DNER: variants seen among roughly 807,000 people sequenced by gnomAD.
DNER encodes the protein delta and Notch-like epidermal growth factor-related receptor.
A neutral mutation model predicts 78.2 loss-of-function variants in DNER; 33 were observed. The ratio of observed to expected loss-of-function variants is 0.42; its 90% CI spans 0.32 to 0.56. The LOEUF is 0.56. DNER is among the 20% of genes least tolerant of loss of function. The pLI, the probability that DNER is intolerant of heterozygous loss-of-function variation, is 0.11. For synonymous variants in DNER, 417 were observed against 384.8 expected (o/e 1.08, Z -0.98); for missense variants, 918 against 975.3 (o/e 0.94, Z 0.78).
chr2:229,417,439 C>A (rs563216235), intron 9 of DNER, among the ~76,000 whole-genome samples: 1 of 152,262 alleles, frequency 6.6e-6, no homozygotes, highest in East Asian at 1.9e-4. Flanking sequence ...GGAACAGGGC[C>A]GTCTGAGGAT....
At chr2:229,530,595 A>T (rs1392794992) in intron 5 of DNER, among the ~76,000 whole-genome samples, 1 of 152,246 alleles carries the variant, frequency 6.6e-6, no homozygotes, top group African/African-American at 2.4e-5. Flanking sequence ...GCCTGTAGCA[A>T]CCTTGCTGGG....
At chr2:229,429,093 T>C (rs1435898372) in intron 8 of DNER, among the ~76,000 whole-genome samples, 1 of 152,158 alleles carries the variant, frequency 6.6e-6, no homozygotes, top group Non-Finnish European at 1.5e-5. Context: ...CCTTGAGCAC[T>C]GCCCTTGGAG....
At chr2:229,361,209 A>T (rs1422667212) in intron 12 of DNER, among the ~76,000 whole-genome samples, 1 of 141,002 alleles carries the variant, frequency 7.1e-6, no homozygotes, top group African/African-American at 2.5e-5. Flanking sequence ...CATTTAAAAG[A>T]CTAACAGTGT....
chr2:229,477,159 G>A lies in DNER; in HGVS notation c.1242C>T (p.Phe414=), dbSNP rs756003503. 1 of 1,613,696 alleles carries A rather than the reference G, an allele frequency of 6.2e-7. No individual in the cohort carries two copies. Among genetic ancestry groups the A allele is most frequent in the East Asian group, 2.2e-5 (1 of 44,862 alleles). Residue 414 remains phenylalanine, a synonymous_variant, in exon 7 of 13, where the codon TTC becomes TTT. Transcript: ENST00000341772. ...AATTACCTTCTGGACACTGGCAGGTGAATCCACTGAGACTGGAAATGCATG... is the reference window on the plus strand; with the variant it reads ...AATTACCTTCTGGACACTGGCAGGTAAATCCACTGAGACTGGAAATGCATG... ...GATCISSLSG[F]TCQCPEGYFG...
intron 7 of DNER, among the ~76,000 whole-genome samples, chr2:229,468,660 A>G (rs1298296928): frequency 6.6e-6 from 1 of 152,208 alleles, no homozygotes; most frequent in Non-Finnish European, 1.5e-5. Flanking sequence ...GAATTGAGTA[A>G]TAATAAAACT....
intron 4 of DNER, among the ~76,000 whole-genome samples, chr2:229,573,352 G>A (rs145149573): frequency 3.3e-5 from 5 of 152,116 alleles, no homozygotes; most frequent in Non-Finnish European, 7.4e-5. Flanking sequence ...TTTTCAAAAT[G>A]CAATCCCAAT....
chr2:229,656,159 T>C (rs960098031), intron 1 of DNER, among the ~76,000 whole-genome samples: 2 of 152,196 alleles, frequency 1.3e-5, no homozygotes, highest in African/African-American at 4.8e-5. Context: ...GAGCCATTAA[T>C]GAAGTAATTG....
At chr2:229,658,145 T>C (rs1261420910) in intron 1 of DNER, among the ~76,000 whole-genome samples, 3 of 152,328 alleles carry the variant, frequency 2.0e-5, no homozygotes, top group South Asian at 4.1e-4. Flanking sequence ...ATTACCTTAA[T>C]TGCCTGGTAA....
chr2:229,485,721 G>A (rs569633535), intron 6 of DNER, among the ~76,000 whole-genome samples: 185 of 152,180 alleles, frequency 1.2e-3, no homozygotes, highest in Middle Eastern at 3.4e-3. Context: ...GAAGAAGGGC[G>A]ATCAATCAGT....
intron 11 of DNER, among the ~76,000 whole-genome samples, chr2:229,369,210 A>G (rs1290925970): frequency 6.6e-6 from 1 of 151,970 alleles, no homozygotes; most frequent in African/African-American, 2.4e-5. Flanking sequence ...TAAACTTTCT[A>G]AAAAGTTAAA....
intron 9 of DNER, among the ~76,000 whole-genome samples, chr2:229,413,292 T>A (rs1693563593): frequency 6.7e-6 from 1 of 148,752 alleles, no homozygotes; most frequent in Non-Finnish European, 1.5e-5. Context: ...AAGTTCCCCC[T>A]CATTGCTTTT....
At position 229,546,882 on chromosome 2, in the gene DNER, T is replaced by C. The variant is rs1432281004; in HGVS notation, c.993+65A>G. ...AGGGGTAAGAACACACACATACTTA[T>C]GTATTTATTCAGGTAAATATTCATG... On this transcript the variant is annotated intron_variant, in intron 5 of 12. Transcript: ENST00000341772. 5.0e-6 allele frequency: 8 copies of C among 1,598,558 alleles called. No individual in the cohort carries two copies. The South Asian group carries it at 5.6e-5, about 11-fold the overall frequency.
intron 7 of DNER, among the ~76,000 whole-genome samples, chr2:229,451,744 C>T (rs1383121293): frequency 6.6e-6 from 1 of 152,092 alleles, no homozygotes; most frequent in East Asian, 1.9e-4. Flanking sequence ...GAATGACCAA[C>T]CAATTAAGAT....
chr2:229,468,236 C>T (rs1404231106), intron 7 of DNER, among the ~76,000 whole-genome samples: 1 of 152,186 alleles, frequency 6.6e-6, no homozygotes, highest in African/African-American at 2.4e-5. Flanking sequence ...TGCTAATAGC[C>T]CTTTCCCAAA....
intron 4 of DNER, among the ~76,000 whole-genome samples, chr2:229,556,764 G>A (rs1696861887): frequency 6.6e-6 from 1 of 152,160 alleles, no homozygotes; most frequent in South Asian, 2.1e-4. Context: ...GTTAATAGAT[G>A]ATTACTGAAA....
intron 12 of DNER, among the ~76,000 whole-genome samples, chr2:229,366,023 T>C (rs1692339033): frequency 6.6e-6 from 1 of 152,214 alleles, no homozygotes; most frequent in Non-Finnish European, 1.5e-5. Context: ...GAGAAGTAAA[T>C]ATGGGGTTTT....
intron 4 of DNER, among the ~76,000 whole-genome samples, chr2:229,576,482 T>A (rs916818980): frequency 2.0e-5 from 3 of 152,192 alleles, no homozygotes; most frequent in African/African-American, 4.8e-5. Context: ...TTTCTTCACA[T>A]GGCATTAGGA....
At chr2:229,581,992 G>C (rs1418059170) in intron 4 of DNER, among the ~76,000 whole-genome samples, 2 of 152,150 alleles carry the variant, frequency 1.3e-5, no homozygotes, top group African/African-American at 2.4e-5. Context: ...TCCTGAAAGT[G>C]CCTCAGCTTC....
At chr2:229,685,112 A>G (rs1035594047) in intron 1 of DNER, among the ~76,000 whole-genome samples, 7 of 152,224 alleles carry the variant, frequency 4.6e-5, no homozygotes, top group Non-Finnish European at 8.8e-5. Flanking sequence ...TAATAATAAC[A>G]CAACAAGTTT....
Sources: gnomAD v4.1 joint callset for allele counts (sites outside exome capture counted in the v4.1 genomes callset) on GRCh38, gnomAD v4.1.1 for gene constraint, MANE v1.5 for transcripts, NCBI Gene and HGNC (gene_info 2026-07-23, HGNC 2026-07-21) for gene names.